Variants in SGCG observed in about 807,000 individuals in gnomAD.
SGCG encodes gamma-sarcoglycan.
A neutral mutation model predicts 29.3 loss-of-function variants in SGCG; 26 were observed. That is an observed-to-expected ratio of 0.89 (90% CI 0.65 to 1.23). The LOEUF (loss-of-function observed/expected upper bound fraction) is 1.23. Among genes scored for constraint, SGCG ranks in the 50% most tolerant of loss-of-function variants. The pLI is 0.00. For missense variants in SGCG, 353 were observed against 356.0 expected (o/e 0.99, Z 0.07); for synonymous variants, 145 against 129.7 (o/e 1.12, Z -0.80).
At chr13:23,175,188 G>C in the SGCG span, among the ~76,000 whole-genome samples, 1 of 152,178 alleles carries the variant, frequency 6.6e-6, no homozygotes, top group Non-Finnish European at 1.5e-5. Flanking sequence ...GATAGATCAT[G>C]TCTGGAGTTA....
chr13:23,320,702 C>G lies in SGCG; in HGVS notation c.644C>G (p.Ala215Gly). The G allele has an allele frequency of 6.2e-7, 1 of 1,612,236 alleles. No individual in the cohort carries two copies. Among genetic ancestry groups the G allele is most frequent in the Non-Finnish European group, 8.5e-7 (1 of 1,179,210 alleles). ...APRGVHIQAH[A>G]GKIEALSQMD... ...AGGGGTGTGCATATTCAAGCTCACGCTGGGAAAATTGAGGCGCTTTCTCAA... is the reference window on the plus strand; with the variant it reads ...AGGGGTGTGCATATTCAAGCTCACGGTGGGAAAATTGAGGCGCTTTCTCAA... The change falls in exon 7 of 8, where the codon GCT becomes GGT. Residue 215 changes from alanine (A) to glycine (G), a missense_variant. By Grantham distance (60) the Ala-to-Gly change is moderately conservative. Coordinates refer to ENST00000218867, the MANE Select transcript of SGCG (RefSeq NM_000231.3).
intron 1 of SGCG, among the ~76,000 whole-genome samples, chr13:23,200,342 GA>G (rs75989655): frequency 0.23 from 34,293 of 152,052 alleles, 4,175 homozygotes; most frequent in East Asian, 0.35. Flanking sequence ...AGACTCACTT[GA>G]AACCCTGGAG....
intron 5 of SGCG, among the ~76,000 whole-genome samples, chr13:23,290,912 C>T (rs966453221): frequency 6.6e-6 from 1 of 152,186 alleles, no homozygotes; most frequent in Non-Finnish European, 1.5e-5. Flanking sequence ...CGTTCAGTTG[C>T]TGAGCTCTGT....
chr13:23,232,407 C>T lies in SGCG; in HGVS notation c.196-2204C>T, dbSNP rs548208530. ...TATCCTAGAAATTCACCTGTCACAA[C>T]GTAAAATGTCCCTTATTGCTTTGTT... On this transcript the variant is annotated intron_variant, in intron 2 of 7. Transcript: ENST00000218867. Among the ~76,000 whole-genome samples the T allele has an allele frequency of 4.2e-4, 64 of 152,288 alleles. No homozygotes were observed. The South Asian group carries it at 8.5e-3, about 20-fold the overall frequency.
intron 5 of SGCG, among the ~76,000 whole-genome samples, chr13:23,294,507 C>T (rs1881831815): frequency 6.6e-6 from 1 of 152,156 alleles, no homozygotes; most frequent in South Asian, 2.1e-4. Context: ...TTTTAAGGTT[C>T]AGACCCACTT....
intron 6 of SGCG, among the ~76,000 whole-genome samples, chr13:23,315,263 T>G (rs1473339131): frequency 1.3e-5 from 2 of 152,208 alleles, no homozygotes; most frequent in African/African-American, 4.8e-5. Flanking sequence ...CCATGTGACC[T>G]GAACTGCCTA....
At chr13:23,303,728 G>A (rs1266976524) in intron 6 of SGCG, among the ~76,000 whole-genome samples, 2 of 152,164 alleles carry the variant, frequency 1.3e-5, no homozygotes, top group African/African-American at 4.8e-5. Flanking sequence ...TTTTCATATT[G>A]TTGGAGATAT....
chr13:23,304,829 A>G (rs182099015), intron 6 of SGCG, among the ~76,000 whole-genome samples: 30 of 152,138 alleles, frequency 2.0e-4, no homozygotes, highest in Non-Finnish European at 3.1e-4. Flanking sequence ...GGGTTTTGCC[A>G]TGTTGGCCAG....
chr13:23,161,932 TGTGCCAC>T, the SGCG span, among the ~76,000 whole-genome samples: 1 of 152,264 alleles, frequency 6.6e-6, no homozygotes, highest in East Asian at 1.9e-4. Flanking sequence ...TGGCCTCACA[TGTGCCAC>T]GACTGTACTC....
chr13:23,216,577 C>T (rs1878437951), intron 2 of SGCG, among the ~76,000 whole-genome samples: 1 of 152,070 alleles, frequency 6.6e-6, no homozygotes, highest in South Asian at 2.1e-4. Flanking sequence ...CCATGATATT[C>T]CCTCACAAAT....
chr13:23,189,984 A>G (rs1877174206), intron 1 of SGCG, among the ~76,000 whole-genome samples: 1 of 152,238 alleles, frequency 6.6e-6, no homozygotes, highest in South Asian at 2.1e-4. Flanking sequence ...TTTAGTCTCA[A>G]CATAGACAAC....
chr13:23,239,411 T>G (rs903583110), intron 3 of SGCG, among the ~76,000 whole-genome samples: 2 of 152,120 alleles, frequency 1.3e-5, no homozygotes, highest in Non-Finnish European at 2.9e-5. Context: ...AATAAAGACT[T>G]TTTTGGACTT....
intron 3 of SGCG, chr13:23,247,232 C>T (rs1879747460): frequency 6.6e-6 from 1 of 152,580 alleles, no homozygotes; most frequent in South Asian, 2.1e-4. Context: ...AGACCAGTAG[C>T]CTGACAAAAC....
intron 1 of SGCG, among the ~76,000 whole-genome samples, chr13:23,183,455 G>A (rs796708391): frequency 4.6e-5 from 7 of 152,182 alleles, no homozygotes; most frequent in African/African-American, 1.4e-4. Flanking sequence ...TGTGGAGAAC[G>A]TTCTCTGCAC....
At chr13:23,287,818 G>A (rs1006896321) in intron 5 of SGCG, among the ~76,000 whole-genome samples, 49 of 152,008 alleles carry the variant, frequency 3.2e-4, no homozygotes, top group South Asian at 4.1e-4. Flanking sequence ...GTAGTGGCAC[G>A]ATCTCAGCTC....
intron 2 of SGCG, among the ~76,000 whole-genome samples, chr13:23,212,024 G>C (rs7325442): frequency 6.6e-6 from 1 of 152,054 alleles, no homozygotes; most frequent in Non-Finnish European, 1.5e-5. Flanking sequence ...CATGAGATCT[G>C]GTTGGTTGAG....
intron 4 of SGCG, among the ~76,000 whole-genome samples, chr13:23,259,415 TA>T (rs1366495958): frequency 6.6e-6 from 1 of 152,186 alleles, no homozygotes; most frequent in African/African-American, 2.4e-5. Context: ...TTATTGCGTC[TA>T]TTTGATTCTT....
chr13:23,313,469 C>A (rs1882681515), intron 6 of SGCG, among the ~76,000 whole-genome samples: 1 of 152,062 alleles, frequency 6.6e-6, no homozygotes, highest in South Asian at 2.1e-4. Flanking sequence ...CTGGCCTTCT[C>A]TTTTTTTAAA....
intron 5 of SGCG, among the ~76,000 whole-genome samples, chr13:23,290,718 A>T (rs548254273): frequency 7.2e-5 from 11 of 152,206 alleles, no homozygotes; most frequent in Non-Finnish European, 1.3e-4. Flanking sequence ...TAAATGCTCA[A>T]TGAAGGTGTA....
Sources: gnomAD v4.1 joint callset for allele counts (sites outside exome capture counted in the v4.1 genomes callset) on GRCh38, gnomAD v4.1.1 for gene constraint, MANE v1.5 for transcripts, NCBI Gene and HGNC (gene_info 2026-07-23, HGNC 2026-07-21) for gene names.